The following ABCA3 variants were observed in gnomAD, a reference collection of about 807,000 sequenced individuals.
The protein encoded by ABCA3 is ATP binding cassette subfamily A member 3, also known as phospholipid-transporting ATPase ABCA3.
A neutral mutation model predicts 172.8 loss-of-function variants in ABCA3; 88 were observed. That is an observed-to-expected ratio of 0.51 (90% CI 0.43 to 0.61). The LOEUF (loss-of-function observed/expected upper bound fraction) is 0.61. Ranked by LOEUF, ABCA3 falls within the 20% of genes least tolerant of loss-of-function variation. The pLI is 0.00. For missense variants in ABCA3, 2,164 were observed against 2,301.0 expected, an observed-to-expected ratio of 0.94 and a Z score of 1.22; for synonymous variants, 1,066 against 983.8, an observed-to-expected ratio of 1.08 and a Z score of -1.56.
At chr16:2,289,852 C>G (rs2093669115) in intron 19 of ABCA3, among the ~76,000 whole-genome samples, 3 of 152,144 alleles carry the variant, frequency 2.0e-5, no homozygotes, top group Admixed American at 1.3e-4. Context: ...ATCTGGAACT[C>G]CTGACCTCAA....
intron 12 of ABCA3, among the ~76,000 whole-genome samples, chr16:2,303,422 C>T (rs996531627): frequency 6.6e-6 from 1 of 151,936 alleles, no homozygotes. Flanking sequence ...CCATCACACC[C>T]GGCTAGTTTT....
chr16:2,287,961 A>G lies in ABCA3; in HGVS notation c.3004+65T>C. ...AGATGTCGACCCTGCTGCAGTCAGG[A>G]AGGCGAACTCTGGCTGCAGGACTGG... is the stretch of plus-strand genomic sequence containing the variant. On this transcript the variant is annotated intron_variant, in intron 21 of 32. Coordinates refer to ENST00000301732, the MANE Select transcript of ABCA3 (RefSeq NM_001089.3). The surrounding 1 kb of genome is among the most constrained non-coding windows in gnomAD (Gnocchi z 4.1). 6.3e-7 allele frequency: 1 copy of G among 1,578,942 alleles called. No homozygotes were observed. Among genetic ancestry groups the G allele is most frequent in the Non-Finnish European group, 8.6e-7 (1 of 1,165,154 alleles).
At position 2,310,569 on chromosome 16, in the gene ABCA3, T is replaced by C. The variant is rs1029952912; in HGVS notation, c.1112-1946A>G. 1.0e-4 allele frequency among the ~76,000 whole-genome samples: 15 copies of C among 150,710 alleles called. No homozygotes were observed. In the Admixed American group the frequency reaches 1.0e-3, roughly 10 times the overall value. ...TCTCATACTATCGCCCAGGATGGAGTGCAGTGGTGTGATTTCAGCTCACTG... is the reference window on the plus strand; with the variant it reads ...TCTCATACTATCGCCCAGGATGGAGCGCAGTGGTGTGATTTCAGCTCACTG... On this transcript the variant is annotated intron_variant, in intron 10 of 32. Coordinates refer to ENST00000301732, the MANE Select transcript of ABCA3 (RefSeq NM_001089.3).
Position 2,299,479 on chromosome 16 carries a change from G to A in ABCA3, c.1665C>T (p.Asn555=). 6.2e-7 allele frequency: 1 copy of A among 1,613,912 alleles called. No individual in the cohort carries two copies. The highest frequency in any genetic ancestry group is 8.5e-7 in the Non-Finnish European group (1 of 1,179,986). Residue 555 remains asparagine, a synonymous_variant, in exon 14 of 33, where the codon AAC becomes AAT. Transcript: ENST00000301732. ...DRAAVRDLNL[N]LYEGQITVLL... ...GGACGGTGATCTGTCCCTCGTACAG[G>A]TTGAGGTTCAGGTCTCTGACGGCCG...
intron 3 of ABCA3, among the ~76,000 whole-genome samples, chr16:2,327,553 C>T (rs1268425936): frequency 6.6e-6 from 1 of 152,192 alleles, no homozygotes; most frequent in Non-Finnish European, 1.5e-5. Context: ...ACTTGGAATT[C>T]TGGCCCCCAT....
intron 19 of ABCA3, among the ~76,000 whole-genome samples, chr16:2,291,602 G>A (rs1482830432): frequency 6.6e-6 from 1 of 152,210 alleles, no homozygotes; most frequent in African/African-American, 2.4e-5. Context: ...GGGACCCCAA[G>A]GCAGTGCAGG....
intron 11 of ABCA3, 126 bp from the exon 12 acceptor site, chr16:2,304,276 T>C: frequency 4.2e-6 from 4 of 961,486 alleles, no homozygotes; most frequent in Non-Finnish European, 5.0e-6. Context: ...GGCATGCCTT[T>C]TCCCTTCCCG....
At chr16:2,295,978 G>T (rs1369674581) in intron 17 of ABCA3, among the ~76,000 whole-genome samples, 1 of 152,176 alleles carries the variant, frequency 6.6e-6, no homozygotes, top group African/African-American at 2.4e-5. Context: ...GCACTGTCAG[G>T]GGCACCTGCT....
Position 2,288,306 on chromosome 16 carries a change from G to A in ABCA3, c.2724C>T (p.Phe908=). 6.4e-7 allele frequency: 1 copy of A among 1,567,552 alleles called. No individual in the cohort carries two copies. The change falls in exon 21 of 33, where the codon TTC becomes TTT. Residue 908 remains phenylalanine, a synonymous_variant. Transcript: ENST00000301732. ...NTGLALHCQQ[F]WAMFLKKAAY... ...CGGCCTTCTTCAGGAACATGGCCCA[G>A]AATTGCTGGCAGTGCAGGGCGAGCT...
intron 10 of ABCA3, among the ~76,000 whole-genome samples, chr16:2,316,482 T>A (rs1596859009): frequency 3.8e-5 from 1 of 26,042 alleles, no homozygotes. Flanking sequence ...CCGTCTCTAC[T>A]AAAAATGCAA....
rs2093722419 is a variant in ABCA3 at position 2,319,596 on chromosome 16, C to T, written c.858G>A (p.Lys286=). ...LTIARAVVQE[K]ERRLKEYMRM... is the part of the protein sequence containing the mutation. ...GGGCAGTCACCTTCAGCCTCCTTTC[C>T]TTCTCCTGCACGACAGCACGGGCAA... The change falls in exon 8 of 33, where the codon AAG becomes AAA. Residue 286 remains lysine (K), a synonymous_variant. Coordinates refer to ENST00000301732, the MANE Select transcript of ABCA3 (RefSeq NM_001089.3). The T allele has an allele frequency of 2.5e-6, 4 of 1,612,546 alleles. No homozygotes were observed. In the East Asian group the frequency reaches 6.7e-5, roughly 27 times the overall value.
chr16:2,283,553 C>T lies in ABCA3; in HGVS notation c.3863-195G>A. ...GCTCAGAGAGGGGCCAGGCACGTAA[C>T]AATCCAATGCAGTCCCATGAGCGAC... On this transcript the variant is annotated intron_variant, in intron 25 of 32. Coordinates refer to ENST00000301732, the MANE Select transcript of ABCA3 (RefSeq NM_001089.3). This position sits in a 1 kb window ranked among gnomAD's most constrained non-coding sequence, Gnocchi z 5.4. The T allele has an allele frequency of 1.6e-6, 1 of 616,482 alleles. No homozygotes were observed. The highest frequency in any genetic ancestry group is 3.0e-5 in the Admixed American group (1 of 33,270). 38.2% of individuals were successfully genotyped at this position (616,482 alleles called of 1,614,324 possible).
chr16:2,290,915 G>A (rs760716818), intron 19 of ABCA3, among the ~76,000 whole-genome samples: 4 of 152,084 alleles, frequency 2.6e-5, no homozygotes, highest in African/African-American at 2.4e-5. Context: ...TGTCCCCCAG[G>A]GTGGAGTGCA....
intron 1 of ABCA3, among the ~76,000 whole-genome samples, chr16:2,330,206 T>C (rs928336532): frequency 5.3e-5 from 8 of 151,086 alleles, no homozygotes; most frequent in South Asian, 2.1e-4. Flanking sequence ...GGTGGGAGGA[T>C]TGCTTGAACC....
In ABCA3 at chr16:2,284,751, G is replaced by T; in HGVS notation, c.3703+28C>A. 6.2e-7 allele frequency: 1 copy of T among 1,605,302 alleles called. No individual in the cohort carries two copies. ...GGAGTGGCTCCGTGGATGGCCATGGGGGCTGCGGGTGGTCTCCAGGTGCCC... is the reference window on the plus strand; with the variant it reads ...GGAGTGGCTCCGTGGATGGCCATGGTGGCTGCGGGTGGTCTCCAGGTGCCC... On this transcript the variant is annotated intron_variant, in intron 24 of 32. Coordinates refer to ENST00000301732, the MANE Select transcript of ABCA3 (RefSeq NM_001089.3). This position sits in a 1 kb window ranked among gnomAD's most constrained non-coding sequence, Gnocchi z 5.9.
chr16:2,276,123 C>T lies in ABCA3; in HGVS notation c.*551G>A, dbSNP rs2093645927. ...GACTACCATGCCCTAAGGAGCAGAGCCTCCAGGATGCCCCCGGGCTGCGCT... is the reference window on the plus strand; with the variant it reads ...GACTACCATGCCCTAAGGAGCAGAGTCTCCAGGATGCCCCCGGGCTGCGCT... On this transcript the variant is annotated 3_prime_UTR_variant, in exon 33 of 33. Coordinates refer to ENST00000301732, the MANE Select transcript of ABCA3 (RefSeq NM_001089.3). 5.9e-6 allele frequency: 2 copies of T among 337,388 alleles called. No homozygotes were observed. Among genetic ancestry groups the T allele is most frequent in the Non-Finnish European group, 1.2e-5 (2 of 170,570 alleles). The allele number at this position is 337,388 out of a possible 1,614,324, so 20.9% of individuals were successfully genotyped here.
intron 1 of ABCA3, among the ~76,000 whole-genome samples, chr16:2,335,533 G>A (rs1020635997): frequency 6.6e-6 from 1 of 152,086 alleles, no homozygotes; most frequent in Non-Finnish European, 1.5e-5. Flanking sequence ...GCCTCCCAAA[G>A]TGCTGGGACC....
At position 2,285,976 on chromosome 16, in the gene ABCA3, G is replaced by C. The variant is rs927087156; in HGVS notation, c.3279-330C>G. 2.0e-5 allele frequency among the ~76,000 whole-genome samples: 3 copies of C among 152,212 alleles called. No homozygotes were observed. The highest frequency in any genetic ancestry group is 1.9e-4 in the East Asian group (1 of 5,190). ...CCACCTCCTCCTGGAGTGTGGCAAA[G>C]GGAAAGCCTCTCCTGGCCTCTGTGT... is the stretch of plus-strand genomic sequence containing the variant. On this transcript the variant is annotated intron_variant, in intron 22 of 32. Transcript: ENST00000301732. The surrounding 1 kb of genome is among the most constrained non-coding windows in gnomAD (Gnocchi z 4.7).
chr16:2,314,927 G>A (rs1407571484), intron 10 of ABCA3, among the ~76,000 whole-genome samples: 6 of 145,610 alleles, frequency 4.1e-5, no homozygotes, highest in African/African-American at 1.3e-4. Context: ...TGCCAGGCTG[G>A]AGTGCACTGG....
Sources: gnomAD v4.1 joint callset for allele counts (sites outside exome capture counted in the v4.1 genomes callset) on GRCh38, gnomAD v4.1.1 for gene constraint, Gnocchi (gnomAD v3.1) non-coding constraint, MANE v1.5 for transcripts, NCBI Gene and HGNC (gene_info 2026-07-23, HGNC 2026-07-21) for gene names.